HIPK3: variants seen among roughly 807,000 people sequenced by gnomAD.
HIPK3 encodes homeodomain-interacting protein kinase 3.
Under a neutral mutation model 124.2 loss-of-function variants are expected in HIPK3, and 47 were observed. That is an observed-to-expected ratio of 0.38 (90% CI 0.30 to 0.48). The LOEUF is 0.48. Among genes scored for constraint, HIPK3 ranks in the 20% least tolerant of loss-of-function variants. HIPK3 has a pLI of 0.98. For missense variants in HIPK3, 1,286 were observed against 1,454.3 expected, an observed-to-expected ratio of 0.88 and a Z score of 1.88; for synonymous variants, 482 against 515.2, an observed-to-expected ratio of 0.94 and a Z score of 0.87.
At chr11:33,339,177 C>T (rs1853253119) in intron 5 of HIPK3, among the ~76,000 whole-genome samples, 173 bp from the exon 6 acceptor site, 1 of 152,078 alleles carries the variant, frequency 6.6e-6, no homozygotes, top group Non-Finnish European at 1.5e-5. Flanking sequence ...TATTTGGTAC[C>T]TCAACACATT....
intron 1 of HIPK3, chr11:33,258,577 C>T: frequency 1.0e-6 from 1 of 985,452 alleles, no homozygotes; most frequent in African/African-American, 1.7e-5. Context: ...GCCGGCTTCT[C>T]TCGTTACGGT....
At position 33,347,299 on chromosome 11, in the gene HIPK3, C is replaced by T. The variant is rs1317146785; in HGVS notation, c.1904C>T (p.Pro635Leu). Residue 635 changes from proline to leucine, a missense_variant, in exon 9 of 17, where the codon CCT becomes CTT. Transcript: ENST00000303296. ...IICPPAIQGIPATHGKPTSYS... is the reference protein window; with the variant it reads ...IICPPAIQGILATHGKPTSYS... Reference sequence around the variant, plus strand: ...TAACTATTCTGTTTCACAGGTATTCCTGCAACACATGGTAAACCCACCAGT... The same window carrying T: ...TAACTATTCTGTTTCACAGGTATTCTTGCAACACATGGTAAACCCACCAGT... The T allele has an allele frequency of 1.9e-6, 3 of 1,611,154 alleles. No homozygotes were observed. Among genetic ancestry groups the T allele is most frequent in the South Asian group, 1.1e-5 (1 of 90,534 alleles).
Position 33,356,974 on chromosome 11 carries a change from G to A in HIPK3, c.*3406G>A, listed in dbSNP as rs1349919988. 1.3e-5 allele frequency: 2 copies of A among 152,066 alleles called. No homozygotes were observed. Among genetic ancestry groups the A allele is most frequent in the Non-Finnish European group, 2.9e-5 (2 of 67,966 alleles). The allele number at this position is 152,066 out of a possible 1,614,324, so 9.4% of individuals were successfully genotyped here. ...GTGAGTGTCAAAATAAGAATTTATG[G>A]TGTATTACTGTCGATTCACTTTGAA... On this transcript the variant is annotated 3_prime_UTR_variant, in exon 17 of 17. Coordinates refer to ENST00000303296, the MANE Select transcript of HIPK3 (RefSeq NM_005734.5).
Position 33,306,923 on chromosome 11 carries a change from T to G in HIPK3, c.1097+19412T>G, listed in dbSNP as rs549556234. 4.0e-5 allele frequency among the ~76,000 whole-genome samples: 6 copies of G among 151,854 alleles called. No individual in the cohort carries two copies. In the South Asian group the frequency reaches 1.2e-3, roughly 32 times the overall value. On this transcript the variant is annotated intron_variant, in intron 2 of 16. Coordinates refer to ENST00000303296, the MANE Select transcript of HIPK3 (RefSeq NM_005734.5). ...GAAAGAAGTGGCTTTGTATGAATAATGATAGATGCATCCACTTTTTTTTTT... is the reference window on the plus strand; with the variant it reads ...GAAAGAAGTGGCTTTGTATGAATAAGGATAGATGCATCCACTTTTTTTTTT...
chr11:33,275,061 A>G (rs997053129), intron 1 of HIPK3, among the ~76,000 whole-genome samples: 5 of 150,582 alleles, frequency 3.3e-5, no homozygotes, highest in African/African-American at 9.8e-5. Flanking sequence ...TTTTTTTGAG[A>G]TGGAGTCTTG....
chr11:33,317,238 C>A (rs928895675), intron 2 of HIPK3, among the ~76,000 whole-genome samples: 2 of 148,204 alleles, frequency 1.3e-5, no homozygotes, highest in Non-Finnish European at 3.0e-5. Flanking sequence ...TCCCAAAGTG[C>A]TGGGATTACA....
chr11:33,287,219 A>G lies in HIPK3; in HGVS notation c.805A>G (p.Asn269Asp), dbSNP rs1590360004. 1 of 1,614,202 alleles carries G rather than the reference A, an allele frequency of 6.2e-7. No individual in the cohort carries two copies. Among genetic ancestry groups the G allele is most frequent in the Non-Finnish European group, 8.5e-7 (1 of 1,180,024 alleles). The change falls in exon 2 of 17, where the codon AAC becomes GAC. Residue 269 changes from asparagine to aspartate, a missense_variant. Transcript: ENST00000303296. ...VRAYECFQHR[N>D]HTCLVFEMLE... is the part of the protein sequence containing the mutation. ...AGCTTATGAATGCTTTCAGCACCGT[A>G]ACCATACTTGTTTAGTCTTTGAGAT...
In HIPK3 at chr11:33,354,843, C is replaced by T. The variant is rs890261212; in HGVS notation, c.*1275C>T. ...AAGTGTGTTGAGTTCCCCCCTTCCC[C>T]GACATTTTTTTCTTTTTTGGGTGGT... On this transcript the variant is annotated 3_prime_UTR_variant, in exon 17 of 17. Transcript: ENST00000303296. 2.0e-5 allele frequency: 3 copies of T among 151,674 alleles called. No individual in the cohort carries two copies. The highest frequency in any genetic ancestry group is 4.8e-5 in the African/African-American group (2 of 41,322). 9.4% of individuals were successfully genotyped at this position (151,674 alleles called of 1,614,324 possible). A position where few individuals can be genotyped will look rare whatever the true frequency, so the allele number is the denominator to read the frequency against.
intron 2 of HIPK3, among the ~76,000 whole-genome samples, chr11:33,324,513 C>T (rs1439905811): frequency 6.6e-6 from 1 of 152,152 alleles, no homozygotes; most frequent in Admixed American, 6.5e-5. Flanking sequence ...CTAGTTGTGG[C>T]AGCTGTGAAA....
chr11:33,304,133 G>T (rs1272200097), intron 2 of HIPK3, among the ~76,000 whole-genome samples: 1 of 152,118 alleles, frequency 6.6e-6, no homozygotes, highest in Non-Finnish European at 1.5e-5. Flanking sequence ...TAGAGACGGG[G>T]TGTCACCATG....
rs745414263 is a variant in HIPK3 at position 33,353,291 on chromosome 11, C to T, written c.3371C>T (p.Ser1124Leu). ...CCTACTCTACTTCCATACCCATCATCAGCCACCCTCAGTAGTGCTGCACCA... is the reference window on the plus strand; with the variant it reads ...CCTACTCTACTTCCATACCCATCATTAGCCACCCTCAGTAGTGCTGCACCA... ...GQPTLLPYPS[S>L]ATLSSAAPVA... The change falls in exon 17 of 17, where the codon TCA (serine) becomes TTA (leucine). Residue 1124 changes from serine (S) to leucine (L), a missense_variant. Transcript: ENST00000303296. 1.9e-6 allele frequency: 3 copies of T among 1,614,208 alleles called. No individual in the cohort carries two copies. Among genetic ancestry groups the T allele is most frequent in the Non-Finnish European group, 1.7e-6 (2 of 1,180,030 alleles).
At chr11:33,318,287 G>A (rs1590395809) in intron 2 of HIPK3, among the ~76,000 whole-genome samples, 1 of 151,444 alleles carries the variant, frequency 6.6e-6, no homozygotes, top group South Asian at 2.1e-4. Flanking sequence ...GGCTGGTTTC[G>A]GACTCCTGAC....
At chr11:33,302,188 C>T (rs1852019788) in intron 2 of HIPK3, among the ~76,000 whole-genome samples, 1 of 152,056 alleles carries the variant, frequency 6.6e-6, no homozygotes, top group South Asian at 2.1e-4. Flanking sequence ...CTTGTAACTT[C>T]TAGGTTCCTT....
At chr11:33,258,235 C>A in intron 1 of HIPK3, 23 of 849,182 alleles carry the variant, frequency 2.7e-5, no homozygotes, top group Non-Finnish European at 3.3e-5. Flanking sequence ...GGTTGCGCAA[C>A]GGCTCTTCCC....
At position 33,286,515 on chromosome 11, in the gene HIPK3, T is replaced by C. The variant is rs1851557598; in HGVS notation, c.101T>C (p.Val34Ala). ...CTCAAAGTAGAGCCAAGCAGTTGTG[T>C]ATTCCAGGAAAGAAACTATCCACGG... ...KKLKVEPSSCVFQERNYPRTY... is the reference protein window; with the variant it reads ...KKLKVEPSSCAFQERNYPRTY... The change falls in exon 2 of 17, where the codon GTA (valine) becomes GCA (alanine). Residue 34 changes from valine to alanine, a missense_variant. Val to Ala is a moderately conservative substitution (Grantham distance 64, BLOSUM62 0). Transcript: ENST00000303296. 2 of 1,613,988 alleles carry C rather than the reference T, an allele frequency of 1.2e-6. No homozygotes were observed. The highest frequency in any genetic ancestry group is 1.7e-6 in the Non-Finnish European group (2 of 1,180,004).
At chr11:33,304,085 C>T (rs553062491) in intron 2 of HIPK3, among the ~76,000 whole-genome samples, 1 of 152,078 alleles carries the variant, frequency 6.6e-6, no homozygotes, top group Non-Finnish European at 1.5e-5. Flanking sequence ...GGACTACAGG[C>T]GTGCACCAGC....
rs370231136 is a variant in HIPK3 at position 33,283,149 on chromosome 11, C to T, written c.-2-3264C>T. Among the ~76,000 whole-genome samples the T allele has an allele frequency of 9.2e-5, 14 of 151,818 alleles. No homozygotes were observed. The East Asian group carries it at 9.7e-4, about 11-fold the overall frequency. On this transcript the variant is annotated intron_variant, in intron 1 of 16. Coordinates refer to ENST00000303296, the MANE Select transcript of HIPK3 (RefSeq NM_005734.5). The stretch of plus-strand genomic sequence containing the variant: ...TTTTTGAGACGGAGTCTCCCTCTGC[C>T]GCCCAGGAAGGAGTGCAGTGGCGCG...
At chr11:33,312,770 T>G (rs184603774) in intron 2 of HIPK3, among the ~76,000 whole-genome samples, 2 of 152,336 alleles carry the variant, frequency 1.3e-5, no homozygotes, top group African/African-American at 4.8e-5. Context: ...ACTCTTAACT[T>G]GTGATGCTTT....
chr11:33,280,296 A>G (rs1415528934), intron 1 of HIPK3, among the ~76,000 whole-genome samples: 3 of 152,226 alleles, frequency 2.0e-5, no homozygotes, highest in African/African-American at 7.2e-5. Flanking sequence ...ATAGTATTGT[A>G]CTAAAACAGT....
Sources: allele counts gnomAD v4.1 joint callset (sites outside exome capture counted in the v4.1 genomes callset), GRCh38; gene constraint gnomAD v4.1.1; transcripts MANE v1.5; gene names NCBI Gene and HGNC (gene_info 2026-07-23, HGNC 2026-07-21).